Variants in CHN1 observed in about 807,000 individuals in gnomAD.
CHN1 encodes chimerin 1.
Under a neutral mutation model 59.5 loss-of-function variants are expected in CHN1, and 37 were observed. That is an observed-to-expected ratio of 0.62 (90% confidence interval 0.48 to 0.82). CHN1 has a LOEUF of 0.82. Ranked by LOEUF, CHN1 falls within the 40% of genes least tolerant of loss-of-function variation. The probability of loss-of-function intolerance (pLI) is 0.00; values close to 1 mark genes in which losing one functional copy is unlikely to be tolerated. For missense variants in CHN1, 469 were observed against 571.0 expected (o/e 0.82, Z 1.82); for synonymous variants, 206 against 200.4 (o/e 1.03, Z -0.24).
chr2:174,887,989 T>C (rs1656630775), intron 5 of CHN1, among the ~76,000 whole-genome samples: 1 of 152,198 alleles, frequency 6.6e-6, no homozygotes, highest in Admixed American at 6.5e-5. Context: ...CAGATAGACT[T>C]ATAAATATTT....
intron 3 of CHN1, among the ~76,000 whole-genome samples, chr2:174,942,830 C>T (rs1689705051): frequency 6.6e-6 from 1 of 152,044 alleles, no homozygotes. Context: ...TGGGTGGATC[C>T]CTTGAGCTTA....
chr2:174,976,737 T>C (rs1313089667), intron 1 of CHN1, among the ~76,000 whole-genome samples: 9 of 152,190 alleles, frequency 5.9e-5, no homozygotes, highest in African/African-American at 2.2e-4. Context: ...TGCTCCATAA[T>C]TGCAAAATAT....
At chr2:174,946,251 G>A (rs183544957) in intron 2 of CHN1, among the ~76,000 whole-genome samples, 5 of 152,204 alleles carry the variant, frequency 3.3e-5, no homozygotes, top group Middle Eastern at 3.4e-3. Context: ...AATGCTCAAT[G>A]AAGACTACTT....
intron 1 of CHN1, among the ~76,000 whole-genome samples, chr2:174,990,053 A>G (rs1691484767): frequency 6.6e-6 from 1 of 152,190 alleles, no homozygotes; most frequent in Non-Finnish European, 1.5e-5. Flanking sequence ...TTATACTTGA[A>G]TAAAGGTAAA....
chr2:174,953,827 C>T (rs752321284), intron 1 of CHN1, among the ~76,000 whole-genome samples: 2 of 152,100 alleles, frequency 1.3e-5, no homozygotes, highest in South Asian at 2.1e-4. Context: ...CCCATGCTCA[C>T]GGATGCATAG....
At chr2:174,818,217 A>G (rs1373456941) in intron 8 of CHN1, among the ~76,000 whole-genome samples, 3 of 152,242 alleles carry the variant, frequency 2.0e-5, no homozygotes, top group African/African-American at 7.2e-5. Flanking sequence ...TTTTATTTAA[A>G]TAAGATAAAA....
At chr2:174,812,510 T>C (rs1685111215) in intron 8 of CHN1, 28 bp from the exon 9 acceptor site, 2 of 1,610,494 alleles carry the variant, frequency 1.2e-6, no homozygotes, top group Non-Finnish European at 1.7e-6. Context: ...AAAGGAAACA[T>C]TCAATATTAT....
At chr2:174,823,556 G>A (rs910696639) in intron 8 of CHN1, among the ~76,000 whole-genome samples, 15 of 152,130 alleles carry the variant, frequency 9.9e-5, no homozygotes, top group South Asian at 4.2e-4. Context: ...CCAGCTACTC[G>A]GGAGGCTGAG....
intron 8 of CHN1, among the ~76,000 whole-genome samples, chr2:174,823,753 A>G (rs1182975699): frequency 2.0e-5 from 3 of 152,176 alleles, no homozygotes; most frequent in African/African-American, 4.8e-5. Context: ...CGTGATATAC[A>G]TAAGTACTTT....
intron 5 of CHN1, among the ~76,000 whole-genome samples, chr2:174,878,788 G>A (rs746704222): frequency 3.9e-5 from 6 of 152,226 alleles, no homozygotes; most frequent in Non-Finnish European, 7.3e-5. Flanking sequence ...AATACATACG[G>A]CACAAAAGTC....
chr2:174,972,308 A>T (rs1574229059), intron 1 of CHN1, among the ~76,000 whole-genome samples: 1 of 152,170 alleles, frequency 6.6e-6, no homozygotes, highest in East Asian at 1.9e-4. Flanking sequence ...GCAGGGTGAT[A>T]TCCTGATGCT....
Position 174,824,502 on chromosome 2 carries a change from C to T in CHN1, c.644G>A (p.Gly215Glu). The change falls in exon 8 of 13, where the codon GGG (glycine) becomes GAG (glutamate). Residue 215 changes from glycine (G) to glutamate (E), a missense_variant. By Grantham distance (98) the Gly-to-Glu change is moderately conservative. Around this residue, in one of 5 missense-constraint regions of CHN1, gnomAD observed 81 missense variants for 71.7 expected, o/e 1.13. Coordinates refer to ENST00000409900, the MANE Select transcript of CHN1 (RefSeq NM_001822.7). ...IHNFKVHTFR[G>E]PHWCEYCANF... ...GGCACAGTATTCACACCAGTGTGGC[C>T]CTCTGAATGTATGCACCTGAAAAAA... 6.2e-7 allele frequency: 1 copy of T among 1,601,480 alleles called. No homozygotes were observed. The highest frequency in any genetic ancestry group is 8.5e-7 in the Non-Finnish European group (1 of 1,174,518).
rs1357543481 is a variant in CHN1, at chr2:174,827,689, A to AT, written c.628-3172dup. The stretch of plus-strand genomic sequence containing the variant: ...ATGGCAGTCACCCAGACAACAGACG[A>AT]TATGGAGCTGAACTCGGGCAGTGGT... On this transcript the variant is annotated intron_variant, in intron 7 of 12. Transcript: ENST00000409900. 4.8e-4 allele frequency among the ~76,000 whole-genome samples: 73 copies of AT among 152,350 alleles called. 2 individuals carry two copies. The highest frequency in any genetic ancestry group is 1.2e-3 in the Admixed American group (18 of 15,300).
At chr2:174,993,187 G>A (rs943659660) in intron 1 of CHN1, among the ~76,000 whole-genome samples, 2 of 144,750 alleles carry the variant, frequency 1.4e-5, no homozygotes, top group African/African-American at 5.2e-5. Context: ...TGTCAGTTTA[G>A]CAATAATTCC....
chr2:174,948,172 C>T (rs905984483), intron 2 of CHN1, among the ~76,000 whole-genome samples: 6 of 152,114 alleles, frequency 3.9e-5, no homozygotes, highest in Non-Finnish European at 5.9e-5. Context: ...TGTTTGCTGT[C>T]TTTTACATTT....
chr2:174,875,030 C>T lies in CHN1; in HGVS notation c.549+2810G>A, dbSNP rs550797132. Among the ~76,000 whole-genome samples the T allele has an allele frequency of 5.3e-5, 8 of 151,818 alleles. No homozygotes were observed. In the South Asian group the frequency reaches 1.7e-3, roughly 32 times the overall value. On this transcript the variant is annotated intron_variant, in intron 6 of 12. Coordinates refer to ENST00000409900, the MANE Select transcript of CHN1 (RefSeq NM_001822.7). ...CTGGGATTTCAAGCAAGTGCCACCA[C>T]GCCCGGCTAATTTTTGTATTTTTAG...
chr2:174,822,438 G>C (rs1157822543), intron 8 of CHN1, among the ~76,000 whole-genome samples: 2 of 152,068 alleles, frequency 1.3e-5, no homozygotes, highest in Non-Finnish European at 2.9e-5. Context: ...TTATTCATAG[G>C]TGCTGTACCT....
chr2:174,841,763 G>T (rs1032518758), intron 7 of CHN1, among the ~76,000 whole-genome samples: 1 of 151,358 alleles, frequency 6.6e-6, no homozygotes, highest in African/African-American at 2.4e-5. Context: ...GTTTATGTTG[G>T]ACACTCCTTG....
chr2:174,887,887 C>T (rs1687937510), intron 5 of CHN1, among the ~76,000 whole-genome samples: 1 of 152,118 alleles, frequency 6.6e-6, no homozygotes, highest in Non-Finnish European at 1.5e-5. Context: ...TAAATAAGCC[C>T]AGTATATGCC....
Sources: gnomAD v4.1 joint callset for allele counts (sites outside exome capture counted in the v4.1 genomes callset) on GRCh38, gnomAD v4.1.1 for gene constraint, gnomAD v4.1.1 regional missense constraint, MANE v1.5 for transcripts, NCBI Gene and HGNC (gene_info 2026-07-23, HGNC 2026-07-21) for gene names.